ERCC8: variants seen among roughly 807,000 people sequenced by gnomAD.
ERCC8 encodes the protein ERCC excision repair 8, CSA ubiquitin ligase complex subunit, also known as DNA excision repair protein ERCC-8.
Under a neutral mutation model 54.9 loss-of-function variants are expected in ERCC8, and 52 were observed. The ratio of observed to expected loss-of-function variants is 0.95; its 90% confidence interval spans 0.76 to 1.19. ERCC8 has a LOEUF of 1.19. ERCC8 is among the 50% of genes most tolerant of loss of function. ERCC8 has a pLI of 0.00. For synonymous variants in ERCC8, 146 were observed against 157.2 expected, an observed-to-expected ratio of 0.93 and a Z score of 0.53; for missense variants, 514 against 466.1, an observed-to-expected ratio of 1.10 and a Z score of -0.95.
In ERCC8 at chr5:60,878,572, A is replaced by T. The variant is rs192108400; in HGVS notation, c.1123-3889T>A. On this transcript the variant is annotated intron_variant, in intron 11 of 11. Transcript: ENST00000676185. ...GAGCCTGTTATTGGTCTATTCAGAGATTCAACTTCTTCCTCGTTTAGTCTT... is the reference window on the plus strand; with the variant it reads ...GAGCCTGTTATTGGTCTATTCAGAGTTTCAACTTCTTCCTCGTTTAGTCTT... Among the ~76,000 whole-genome samples the T allele has an allele frequency of 7.2e-3, 1,094 of 152,252 alleles. 8 individuals carry two copies. Among genetic ancestry groups the T allele is most frequent in the South Asian group, 0.027 (128 of 4,828 alleles).
At chr5:60,922,894 T>C (rs1029960509) in intron 2 of ERCC8, among the ~76,000 whole-genome samples, 2 of 152,118 alleles carry the variant, frequency 1.3e-5, no homozygotes, top group Non-Finnish European at 2.9e-5. Flanking sequence ...AATAACTTAT[T>C]TTTATTCTAG....
intron 9 of ERCC8, chr5:60,892,612 G>C (rs1402005201): frequency 4.5e-6 from 3 of 668,622 alleles, no homozygotes; most frequent in Non-Finnish European, 8.4e-6. Flanking sequence ...TACCCAGAGA[G>C]AAGGTAATAG....
At chr5:60,924,082 T>G (rs1749681226) in intron 2 of ERCC8, among the ~76,000 whole-genome samples, 1 of 152,154 alleles carries the variant, frequency 6.6e-6, no homozygotes. Context: ...TCCCCTCTCT[T>G]GTAATTTATT....
intron 4 of ERCC8, chr5:60,915,286 G>C (rs1358433614): frequency 6.6e-6 from 1 of 151,994 alleles, no homozygotes; most frequent in East Asian, 1.9e-4. Flanking sequence ...TGTTTTGAGT[G>C]CTAGAAATTA....
intron 2 of ERCC8, among the ~76,000 whole-genome samples, chr5:60,928,515 T>C (rs1386036855): frequency 6.6e-6 from 1 of 152,216 alleles, no homozygotes; most frequent in East Asian, 1.9e-4. Context: ...ACTTTTTATA[T>C]TTATTTTACC....
chr5:60,878,828 T>C lies in ERCC8; in HGVS notation c.1123-4145A>G, dbSNP rs1262251958. Among the ~76,000 whole-genome samples the C allele has an allele frequency of 2.6e-5, 4 of 152,330 alleles. No homozygotes were observed. The East Asian group carries it at 5.8e-4, about 22-fold the overall frequency. ...TCTTTTACAAAAACCAGCTCCTGGA[T>C]TCACTGATTTTTTGAAGGGTTTTTT... On this transcript the variant is annotated intron_variant, in intron 11 of 11. Transcript: ENST00000676185.
In ERCC8 at chr5:60,890,915, A is replaced by C. The variant is rs755213944; in HGVS notation, c.1015T>G (p.Cys339Gly). ...TGGAAATTTGACTGAAATACACAGC[A>C]GTCAACAGTTTTATAATGTCCCTTA... ...MLKGHYKTVD[C>G]CVFQSNFQEL... The change falls in exon 10 of 12, where the codon TGC becomes GGC. Residue 339 changes from cysteine to glycine, a missense_variant. Cys to Gly is a radical substitution (Grantham distance 159). Transcript: ENST00000676185. 4 of 1,613,514 alleles carry C rather than the reference A, an allele frequency of 2.5e-6. No homozygotes were observed. Among genetic ancestry groups the C allele is most frequent in the Non-Finnish European group, 3.4e-6 (4 of 1,179,656 alleles).
Position 60,874,359 on chromosome 5 carries a change from T to C in ERCC8, c.*256A>G, listed in dbSNP as rs1472067149. 6 of 423,466 alleles carry C rather than the reference T, an allele frequency of 1.4e-5. No homozygotes were observed. The highest frequency in any genetic ancestry group is 3.4e-5 in the South Asian group (1 of 29,130). 26.2% of individuals were successfully genotyped at this position (423,466 alleles called of 1,614,324 possible). A position where few individuals can be genotyped will look rare whatever the true frequency, so the allele number is the denominator to read the frequency against. On this transcript the variant is annotated 3_prime_UTR_variant, in exon 12 of 12. Transcript: ENST00000676185. ...GTCACAACTGAGGTACAACGACTTG[T>C]GTTACTTGTACTGTAGCAATGAGGG...
chr5:60,911,013 G>A (rs758941200), intron 4 of ERCC8, among the ~76,000 whole-genome samples: 30 of 151,776 alleles, frequency 2.0e-4, no homozygotes, highest in Non-Finnish European at 4.1e-4. Context: ...ATCAAATTAA[G>A]GAATTTCTCT....
At chr5:60,938,538 G>A (rs1197096990) in intron 1 of ERCC8, among the ~76,000 whole-genome samples, 3 of 151,728 alleles carry the variant, frequency 2.0e-5, no homozygotes, top group Non-Finnish European at 2.9e-5. Context: ...ATTTTTAGTA[G>A]AGACGGGGTT....
intron 2 of ERCC8, among the ~76,000 whole-genome samples, chr5:60,923,231 G>C (rs1749652347): frequency 6.6e-6 from 1 of 151,996 alleles, no homozygotes; most frequent in Non-Finnish European, 1.5e-5. Flanking sequence ...CAAAAACTTT[G>C]CAAAAATATT....
intron 4 of ERCC8, chr5:60,910,089 CT>C (rs1749213428): frequency 6.6e-6 from 1 of 152,006 alleles, no homozygotes; most frequent in Non-Finnish European, 1.5e-5. Flanking sequence ...AGTAGTTAAG[CT>C]TTTGGGGTAA....
chr5:60,879,166 T>C (rs1748118961), intron 11 of ERCC8, among the ~76,000 whole-genome samples: 2 of 152,224 alleles, frequency 1.3e-5, no homozygotes, highest in Non-Finnish European at 2.9e-5. Context: ...AGTTTCCATG[T>C]AGTTGAGCGG....
At chr5:60,931,575 C>T (rs13188118) in intron 1 of ERCC8, among the ~76,000 whole-genome samples, 7 of 152,286 alleles carry the variant, frequency 4.6e-5, no homozygotes, top group African/African-American at 1.7e-4. Flanking sequence ...TCCCAAAGTA[C>T]TGGGATTACA....
chr5:60,910,277 C>T, intron 4 of ERCC8, among the ~76,000 whole-genome samples: 1 of 152,122 alleles, frequency 6.6e-6, no homozygotes, highest in Non-Finnish European at 1.5e-5. Flanking sequence ...TATCACATTG[C>T]CTTCACTAGT....
chr5:60,890,815 A>G, intron 10 of ERCC8, 74 bp downstream of exon 10: 1 of 1,082,112 alleles, frequency 9.2e-7, no homozygotes, highest in Non-Finnish European at 1.4e-6. Flanking sequence ...ATAAAATCAT[A>G]ATTTATTCTT....
Position 60,902,506 on chromosome 5 carries a change from G to C in ERCC8, c.553C>G (p.His185Asp). The change falls in exon 7 of 12, where the codon CAC becomes GAC. Residue 185 changes from histidine (H) to aspartate (D), a missense_variant and splice_region_variant. Transcript: ENST00000676185. ...GAAACTGCTAATATTTCTTGTCTGT[G>C]ACCTGCAAATACAACTATATGAAAA... ...SGSCSHILQGHRQEILAVSWS... is the reference protein window; with the variant it reads ...SGSCSHILQGDRQEILAVSWS... 5 of 1,610,766 alleles carry C rather than the reference G, an allele frequency of 3.1e-6. No individual in the cohort carries two copies. The highest frequency in any genetic ancestry group is 2.2e-5 in the South Asian group (2 of 90,968).
At chr5:60,892,958 C>T in intron 9 of ERCC8, 2 of 762,512 alleles carry the variant, frequency 2.6e-6, no homozygotes, top group South Asian at 1.4e-5. Flanking sequence ...CCAGAACCCT[C>T]ATGAGGTTTT....
At chr5:60,904,659 T>TGTC (rs1749012637) in intron 5 of ERCC8, 133 bp downstream of exon 5, 1 of 138,948 alleles carries the variant, frequency 7.2e-6, no homozygotes, top group Non-Finnish European at 1.4e-5. Context: ...TATATATATA[T>TGTC]ATATATATAT....
Sources: gnomAD v4.1 joint callset for allele counts (sites outside exome capture counted in the v4.1 genomes callset) on GRCh38, gnomAD v4.1.1 for gene constraint, MANE v1.5 for transcripts, NCBI Gene and HGNC (gene_info 2026-07-23, HGNC 2026-07-21) for gene names.